Variants in WASHC3 observed in about 807,000 individuals in gnomAD.
The protein encoded by WASHC3 is WASH complex subunit CCDC53.
A neutral mutation model predicts 26.1 loss-of-function variants in WASHC3; 24 were observed. The ratio of observed to expected loss-of-function variants is 0.92; its 90% CI spans 0.66 to 1.29. The LOEUF is 1.29. Ranked by LOEUF, WASHC3 falls within the 50% of genes most tolerant of loss-of-function variation. The probability of loss-of-function intolerance (pLI) is 0.00; values close to 1 mark genes in which losing one functional copy is unlikely to be tolerated. For missense variants in WASHC3, 214 were observed against 229.6 expected, an observed-to-expected ratio of 0.93 and a Z score of 0.44; for synonymous variants, 77 against 75.7, an observed-to-expected ratio of 1.02 and a Z score of -0.09.
chr12:102,059,121 T>A (rs2136696282), intron 2 of WASHC3, among the ~76,000 whole-genome samples: 2 of 152,218 alleles, frequency 1.3e-5, no homozygotes, highest in Admixed American at 1.3e-4. Context: ...TCAAGAGATC[T>A]CCTACATGTC....
rs376585953 is a variant in WASHC3 at position 102,016,387 on chromosome 12, T to C, written c.501-3195A>G. Among the ~76,000 whole-genome samples the C allele has an allele frequency of 5.3e-5, 8 of 151,634 alleles. No individual in the cohort carries two copies. The East Asian group carries it at 1.6e-3, about 29-fold the overall frequency. On this transcript the variant is annotated intron_variant, in intron 6 of 6. Coordinates refer to ENST00000240079, the MANE Select transcript of WASHC3 (RefSeq NM_016053.4). ...GCCCAGCTAATTTTTGTATTTTTAG[T>C]AGTGATGGGGTTTCTCCATGTTGGC...
intron 5 of WASHC3, among the ~76,000 whole-genome samples, chr12:102,031,214 T>C (rs1877424731): frequency 6.6e-6 from 1 of 152,234 alleles, no homozygotes; most frequent in African/African-American, 2.4e-5. Context: ...ACAAAAGTTA[T>C]CTTTCTCTAG....
intron 4 of WASHC3, chr12:102,040,545 A>G (rs1387242127): frequency 6.6e-6 from 1 of 152,106 alleles, no homozygotes; most frequent in Admixed American, 6.5e-5. Context: ...GGTTTTATAC[A>G]TTTCAGATAC....
chr12:102,061,288 G>GT lies in WASHC3; in HGVS notation c.109dup (p.Thr37AsnfsTer13). On this transcript the variant is annotated frameshift_variant, in exon 2 of 7. Coordinates refer to ENST00000240079, the MANE Select transcript of WASHC3 (RefSeq NM_016053.4). LOFTEE classifies it high-confidence loss of function. Reference sequence around the variant, plus strand: ...AGAAAAGCGGTTGAGGAACTGTACAGTGTGCACCACAAATTGGTTTAGAAA... The same window carrying GT: ...AGAAAAGCGGTTGAGGAACTGTACAGTTGTGCACCACAAATTGGTTTAGAAA... 6.2e-7 allele frequency: 1 copy of GT among 1,613,908 alleles called. No individual in the cohort carries two copies. The highest frequency in any genetic ancestry group is 8.5e-7 in the Non-Finnish European group (1 of 1,179,826).
At chr12:102,045,081 A>G in intron 3 of WASHC3, among the ~76,000 whole-genome samples, 1 of 152,228 alleles carries the variant, frequency 6.6e-6, no homozygotes, top group South Asian at 2.1e-4. Flanking sequence ...AATAAGACAC[A>G]TATTCATTAT....
At chr12:102,053,572 A>G (rs1040235739) in intron 2 of WASHC3, among the ~76,000 whole-genome samples, 2 of 152,264 alleles carry the variant, frequency 1.3e-5, no homozygotes, top group African/African-American at 4.8e-5. Context: ...GAAACACGTC[A>G]CTACTAAAGA....
At chr12:102,046,324 T>A (rs1878164174) in intron 2 of WASHC3, among the ~76,000 whole-genome samples, 1 of 151,328 alleles carries the variant, frequency 6.6e-6, no homozygotes, top group South Asian at 2.1e-4. Flanking sequence ...TGGGACGGAG[T>A]CTTGCTCTGT....
intron 2 of WASHC3, among the ~76,000 whole-genome samples, chr12:102,060,666 AT>A (rs1268418456): frequency 7.9e-5 from 12 of 152,166 alleles, no homozygotes; most frequent in African/African-American, 2.9e-4. Flanking sequence ...CAACTGTGAA[AT>A]TTTAGAAGCC....
At chr12:102,036,274 A>C (rs1320516363) in intron 5 of WASHC3, among the ~76,000 whole-genome samples, 1 of 151,134 alleles carries the variant, frequency 6.6e-6, no homozygotes, top group African/African-American at 2.4e-5. Context: ...AGGCAGGAGA[A>C]TCGCTTGAAT....
chr12:102,040,662 A>T (rs1236099806), intron 4 of WASHC3, among the ~76,000 whole-genome samples: 2 of 152,086 alleles, frequency 1.3e-5, no homozygotes, highest in African/African-American at 2.4e-5. Flanking sequence ...CTTTTTAGAT[A>T]AAAATGCTAT....
intron 3 of WASHC3, 59 bp from the exon 4 acceptor site, chr12:102,044,271 T>A: frequency 2.7e-6 from 2 of 745,908 alleles, no homozygotes; most frequent in Non-Finnish European, 4.3e-6. Flanking sequence ...ATAAACACTA[T>A]TTTTAATAGC....
At chr12:102,031,307 A>G (rs747852451) in intron 5 of WASHC3, among the ~76,000 whole-genome samples, 1 of 152,190 alleles carries the variant, frequency 6.6e-6, no homozygotes, top group Non-Finnish European at 1.5e-5. Context: ...TTTTCTGCTT[A>G]AGGGAAAACT....
At chr12:102,038,755 G>A (rs1369442986) in intron 5 of WASHC3, among the ~76,000 whole-genome samples, 1 of 152,024 alleles carries the variant, frequency 6.6e-6, no homozygotes, top group Non-Finnish European at 1.5e-5. Context: ...AAAAAGAACT[G>A]TGGAAGTGAA....
chr12:102,040,819 A>T (rs138263068), intron 4 of WASHC3, among the ~76,000 whole-genome samples: 1 of 152,196 alleles, frequency 6.6e-6, no homozygotes, highest in African/African-American at 2.4e-5. Context: ...ATTTAGAAAA[A>T]GCTTACTTTG....
At position 102,046,053 on chromosome 12, in the gene WASHC3, C is replaced by T; in HGVS notation, c.216+1G>A. On this transcript the variant is annotated splice_donor_variant, in intron 3 of 6. Transcript: ENST00000240079. LOFTEE classifies it high-confidence loss of function. The stretch of plus-strand genomic sequence containing the variant: ...ACTACAAATTATTGAGAAATACCAA[C>T]CTTTGCATCTAAAATATTGAGAGTT... The T allele has an allele frequency of 6.4e-7, 1 of 1,565,506 alleles. No individual in the cohort carries two copies. Among genetic ancestry groups the T allele is most frequent in the South Asian group, 1.2e-5 (1 of 86,914 alleles).
chr12:102,054,428 A>C (rs1878511170), intron 2 of WASHC3, among the ~76,000 whole-genome samples: 1 of 152,218 alleles, frequency 6.6e-6, no homozygotes, highest in Non-Finnish European at 1.5e-5. Context: ...TTGTAATCCC[A>C]GCACTTTGGG....
At chr12:102,044,780 GC>G (rs1209660274) in intron 3 of WASHC3, among the ~76,000 whole-genome samples, 1 of 151,854 alleles carries the variant, frequency 6.6e-6, no homozygotes, top group African/African-American at 2.4e-5. Context: ...TTTCTTCTAT[GC>G]AAAAAAATGG....
chr12:102,016,410 G>A (rs1045213801), intron 6 of WASHC3, among the ~76,000 whole-genome samples: 4 of 151,872 alleles, frequency 2.6e-5, no homozygotes, highest in African/African-American at 9.7e-5. Flanking sequence ...TCTCCATGTT[G>A]GCCAGGCTGG....
chr12:102,019,937 A>G (rs1876878194), intron 6 of WASHC3, among the ~76,000 whole-genome samples: 1 of 152,038 alleles, frequency 6.6e-6, no homozygotes, highest in East Asian at 1.9e-4. Flanking sequence ...TCTCCCATTG[A>G]TGTGAATCAA....
Sources: allele counts gnomAD v4.1 joint callset (sites outside exome capture counted in the v4.1 genomes callset), GRCh38; gene constraint gnomAD v4.1.1; transcripts MANE v1.5; gene names NCBI Gene and HGNC (gene_info 2026-07-23, HGNC 2026-07-21).